Variants in EPG5 observed in about 807,000 individuals in gnomAD.
EPG5 encodes the protein ectopic P-granules 5 autophagy tethering factor.
EPG5 carries 159 observed loss-of-function variants against 302.7 expected under a neutral mutation model. That is an observed-to-expected ratio of 0.53 (90% CI 0.46 to 0.60). The LOEUF (loss-of-function observed/expected upper bound fraction) is 0.60. Ranked by LOEUF, EPG5 falls within the 20% of genes least tolerant of loss-of-function variation. The probability of loss-of-function intolerance (pLI) is 0.00; values close to 1 mark genes in which losing one functional copy is unlikely to be tolerated. For missense variants in EPG5, 2,896 were observed against 3,092.4 expected, an observed-to-expected ratio of 0.94 and a Z score of 1.51; for synonymous variants, 1,158 against 1,136.8, an observed-to-expected ratio of 1.02 and a Z score of -0.37.
At chr18:45,863,832 T>A (rs778054434) in intron 39 of EPG5, among the ~76,000 whole-genome samples, 1 of 152,256 alleles carries the variant, frequency 6.6e-6, no homozygotes, top group African/African-American at 2.4e-5. Context: ...TGTTTTGTTT[T>A]GTTTTTTAAT....
Position 45,955,398 on chromosome 18 carries a change from A to C in EPG5, c.64-60T>G, listed in dbSNP as rs536311210. ...CACAATAATTAATGCTTTCAGCAGG[A>C]GGAATTTTAAAGTTGCACATAAAAT... On this transcript the variant is annotated intron_variant, in intron 1 of 43. Coordinates refer to ENST00000282041, the MANE Select transcript of EPG5 (RefSeq NM_020964.3). 1.4e-5 allele frequency: 17 copies of C among 1,235,502 alleles called. No individual in the cohort carries two copies. In the African/African-American group the frequency reaches 2.6e-4, roughly 19 times the overall value. 76.5% of individuals were successfully genotyped at this position (1,235,502 alleles called of 1,614,324 possible).
chr18:45,945,813 C>T (rs1322421315), intron 7 of EPG5, among the ~76,000 whole-genome samples: 3 of 152,164 alleles, frequency 2.0e-5, no homozygotes, highest in Admixed American at 6.5e-5. Flanking sequence ...TGACCACCTC[C>T]TCCTGCAAGT....
At chr18:45,836,957 C>T in the EPG5 span, 3 of 835,036 alleles carry the variant, frequency 3.6e-6, no homozygotes, top group Admixed American at 3.4e-5. Context: ...GGCAGTGTGA[C>T]TTCAGTTACT....
At chr18:45,912,154 G>T in intron 22 of EPG5, 136 bp downstream of exon 22, 2 of 647,760 alleles carry the variant, frequency 3.1e-6, no homozygotes, top group South Asian at 3.4e-5. Context: ...CAAACATAGA[G>T]ACAGAGAAAG....
At chr18:45,877,728 A>G (rs1352857815) in intron 34 of EPG5, among the ~76,000 whole-genome samples, 1 of 152,232 alleles carries the variant, frequency 6.6e-6, no homozygotes, top group Non-Finnish European at 1.5e-5. Flanking sequence ...ACCAGCTATG[A>G]GACTTGAGTT....
intron 23 of EPG5, among the ~76,000 whole-genome samples, chr18:45,908,474 A>G (rs2049813351): frequency 6.6e-6 from 1 of 152,242 alleles, no homozygotes. Context: ...CAAAAATAAT[A>G]CATTCAAATA....
rs2051002485 is a variant in EPG5 at position 45,955,290 on chromosome 18, A to C, written c.112T>G (p.Ser38Ala). ...TPQREESSEV[S>A]LPKTSREQEI... ...TGCTCTCTGGAGGTTTTTGGAAGGG[A>C]GACTTCACTGGACTCTTCCCTCTGA... The change falls in exon 2 of 44, where the codon TCC (serine) becomes GCC (alanine). Residue 38 changes from serine (S) to alanine (A), a missense_variant. By Grantham distance (99) the Ser-to-Ala change is moderately conservative. Around this residue, in one of 5 missense-constraint regions of EPG5, gnomAD observed 1,390 missense variants for 1,430.0 expected, o/e 0.97. Transcript: ENST00000282041. 1.9e-6 allele frequency: 3 copies of C among 1,613,418 alleles called. No homozygotes were observed. Among genetic ancestry groups the C allele is most frequent in the African/African-American group, 2.7e-5 (2 of 74,892 alleles).
At position 45,901,129 on chromosome 18, in the gene EPG5, C is replaced by A; in HGVS notation, c.4513G>T (p.Ala1505Ser). 6.2e-7 allele frequency: 1 copy of A among 1,614,072 alleles called. No individual in the cohort carries two copies. Among genetic ancestry groups the A allele is most frequent in the African/African-American group, 1.3e-5 (1 of 75,032 alleles). The part of the protein sequence containing the change: ...RVLSNLRKHE[A>S]PQPPLALHPT... ...TGCAGAGCAAGGGGAGGCTGGGGAGCCTCATGCTTCCGCAAGTTACTTAAA... is the reference window on the plus strand; with the variant it reads ...TGCAGAGCAAGGGGAGGCTGGGGAGACTCATGCTTCCGCAAGTTACTTAAA... The change falls in exon 26 of 44, where the codon GCT becomes TCT. Residue 1505 changes from alanine (A) to serine (S), a missense_variant. Ala to Ser is a moderately conservative substitution (Grantham distance 99). Transcript: ENST00000282041.
chr18:45,838,974 C>A, the EPG5 span: 3 of 1,602,832 alleles, frequency 1.9e-6, no homozygotes, highest in Non-Finnish European at 2.5e-6. Flanking sequence ...CCAGCGTCTA[C>A]CTGTTCCGCT....
chr18:45,940,276 A>T (rs914283434), intron 9 of EPG5, among the ~76,000 whole-genome samples: 8 of 152,208 alleles, frequency 5.3e-5, no homozygotes, highest in African/African-American at 1.9e-4. Flanking sequence ...GCTGGAGATG[A>T]AATCAGAAAA....
chr18:45,903,128 C>A (rs1038116903), intron 25 of EPG5, among the ~76,000 whole-genome samples: 4 of 152,168 alleles, frequency 2.6e-5, no homozygotes, highest in Non-Finnish European at 5.9e-5. Context: ...TTCTTCTTAA[C>A]AAACTTTCAG....
chr18:45,958,279 T>C (rs973979109), intron 1 of EPG5, among the ~76,000 whole-genome samples: 2 of 152,328 alleles, frequency 1.3e-5, no homozygotes, highest in Middle Eastern at 3.4e-3. Context: ...CTCTACACAA[T>C]GCCTTGCAAA....
In EPG5 at chr18:45,952,420, G is replaced by A; in HGVS notation, c.1232C>T (p.Ala411Val). ...LSSSAVLRSS[A>V]IHQQGRASKQ... ...CATACCTCGGCCTTGCTGGTGAATTGCTGAAGATCTCAGAACAGCTGAACT... is the reference window on the plus strand; with the variant it reads ...CATACCTCGGCCTTGCTGGTGAATTACTGAAGATCTCAGAACAGCTGAACT... Residue 411 changes from alanine (A) to valine (V), a missense_variant, in exon 3 of 44, where the codon GCA (alanine) becomes GTA (valine). This residue lies in a region of EPG5 where 1,390 missense variants were observed against 1,430.0 expected (regional missense o/e 0.97). Transcript: ENST00000282041. 1 of 1,614,060 alleles carries A rather than the reference G, an allele frequency of 6.2e-7. No individual in the cohort carries two copies. The highest frequency in any genetic ancestry group is 8.5e-7 in the Non-Finnish European group (1 of 1,180,026).
At chr18:45,839,927 C>G in the EPG5 span, among the ~76,000 whole-genome samples, 1 of 152,090 alleles carries the variant, frequency 6.6e-6, no homozygotes, top group East Asian at 1.9e-4. Flanking sequence ...GCTGCTGTGG[C>G]CACAATGGCT....
chr18:45,842,678 C>A (rs958762904), downstream of EPG5: 1 of 159,530 alleles, frequency 6.3e-6, no homozygotes, highest in East Asian at 1.8e-4. Flanking sequence ...CAATCATATT[C>A]TTCCCTCCTG....
intron 39 of EPG5, among the ~76,000 whole-genome samples, chr18:45,863,616 G>A (rs974393131): frequency 6.6e-6 from 1 of 152,168 alleles, no homozygotes; most frequent in African/African-American, 2.4e-5. Context: ...CTCAATGAAA[G>A]TATGGTTCTT....
At chr18:45,874,210 C>G (rs1447493558) in intron 35 of EPG5, among the ~76,000 whole-genome samples, 1 of 152,178 alleles carries the variant, frequency 6.6e-6, no homozygotes, top group Non-Finnish European at 1.5e-5. Context: ...ACAAATGTAT[C>G]ACCCTGGTGT....
At chr18:45,943,390 T>A in intron 8 of EPG5, 79 bp from the exon 9 acceptor site, 1 of 1,289,494 alleles carries the variant, frequency 7.8e-7, no homozygotes, top group Non-Finnish European at 1.1e-6. Context: ...ATAAATATTT[T>A]AATGAGGACT....
chr18:45,837,059 C>T, the EPG5 span: 8 of 1,568,944 alleles, frequency 5.1e-6, no homozygotes, highest in Non-Finnish European at 7.0e-6. Context: ...ATAGATACTA[C>T]GGAGAACTTG....
Sources: allele counts gnomAD v4.1 joint callset (sites outside exome capture counted in the v4.1 genomes callset), GRCh38; gene constraint gnomAD v4.1.1; regional missense constraint gnomAD v4.1.1; transcripts MANE v1.5; gene names NCBI Gene and HGNC (gene_info 2026-07-23, HGNC 2026-07-21).